Variants in CYB5R4 observed in about 807,000 individuals in gnomAD.
CYB5R4 encodes the protein N-terminal cytochrome b5 and cytochrome b5 oxidoreductase domain-containing protein.
Under a neutral mutation model 70.2 loss-of-function variants are expected in CYB5R4, and 55 were observed. The ratio of observed to expected loss-of-function variants is 0.78; its 90% CI spans 0.63 to 0.98. The LOEUF (loss-of-function observed/expected upper bound fraction) is 0.98. Among genes scored for constraint, CYB5R4 ranks in the 50% least tolerant of loss-of-function variants. CYB5R4 has a pLI of 0.00. For missense variants in CYB5R4, 562 were observed against 612.6 expected (o/e 0.92, Z 0.87); for synonymous variants, 197 against 199.5 (o/e 0.99, Z 0.11).
intron 3 of CYB5R4, among the ~76,000 whole-genome samples, chr6:83,907,074 A>G (rs1327270629): frequency 6.6e-6 from 1 of 152,130 alleles, no homozygotes. Context: ...AAAGAGCTGC[A>G]GATTTTTAAG....
chr6:83,938,233 A>G (rs1010816440), intron 12 of CYB5R4, among the ~76,000 whole-genome samples: 1 of 152,214 alleles, frequency 6.6e-6, no homozygotes. Context: ...GCATGATTGT[A>G]ATAAAGTAAG....
rs557767194 is a variant in CYB5R4, at chr6:83,935,555, G to A, written c.956-669G>A. On this transcript the variant is annotated intron_variant, in intron 11 of 15. Transcript: ENST00000369681. ...TTTTGTATACATTGAGGAGCCATGC[G>A]TAAAATTTTTGGTCTTTCAAACATG... Among the ~76,000 whole-genome samples, 52 of 152,158 alleles carry A rather than the reference G, an allele frequency of 3.4e-4. No individual in the cohort carries two copies. In the South Asian group the frequency reaches 3.5e-3, roughly 10 times the overall value.
intron 4 of CYB5R4, among the ~76,000 whole-genome samples, chr6:83,914,063 C>T (rs925852098): frequency 3.3e-5 from 5 of 152,026 alleles, no homozygotes; most frequent in African/African-American, 1.2e-4. Context: ...CTAATAAATT[C>T]TGGTTAACTT....
At chr6:83,905,143 G>A (rs142435411) in intron 3 of CYB5R4, among the ~76,000 whole-genome samples, 2,161 of 152,036 alleles carry the variant, frequency 0.014, 50 homozygotes, top group African/African-American at 0.049. Flanking sequence ...CAACCTCCGC[G>A]TCCCAGGTTC....
intron 12 of CYB5R4, 76 bp downstream of exon 12, chr6:83,936,452 A>G (rs1369853527): frequency 3.1e-6 from 4 of 1,297,168 alleles, no homozygotes; most frequent in Admixed American, 2.2e-5. Flanking sequence ...ATCTCCATGT[A>G]GGAGTCTATC....
At chr6:83,922,342 A>G (rs2129140129) in intron 8 of CYB5R4, 96 bp from the exon 9 acceptor site, 1 of 851,370 alleles carries the variant, frequency 1.2e-6, no homozygotes, top group Non-Finnish European at 1.8e-6. Context: ...GAGGGATTTG[A>G]AATAGTACAT....
intron 14 of CYB5R4, among the ~76,000 whole-genome samples, chr6:83,948,281 A>G (rs74564526): frequency 0.042 from 6,375 of 152,158 alleles, 458 homozygotes; most frequent in African/African-American, 0.14. Flanking sequence ...AAAACCAAAT[A>G]CCGCATGTTC....
intron 11 of CYB5R4, 110 bp from the exon 12 acceptor site, chr6:83,936,111 TAGG>T (rs2129142445): frequency 1.5e-6 from 1 of 654,032 alleles, no homozygotes. Flanking sequence ...ATATGCCCAT[TAGG>T]TATATAGTTT....
chr6:83,877,150 T>A (rs2099458691), intron 2 of CYB5R4, among the ~76,000 whole-genome samples: 2 of 152,188 alleles, frequency 1.3e-5, no homozygotes, highest in Non-Finnish European at 2.9e-5. Flanking sequence ...TTTTTTATAG[T>A]GCAGGTCTGT....
intron 10 of CYB5R4, 114 bp from the exon 11 acceptor site, chr6:83,934,481 A>G (rs1051614019): frequency 1.5e-6 from 1 of 651,618 alleles, no homozygotes; most frequent in Admixed American, 3.3e-5. Context: ...TAGGCATTTT[A>G]GTGAAATTGA....
chr6:83,866,129 C>T (rs1383188800), intron 2 of CYB5R4, among the ~76,000 whole-genome samples: 1 of 152,146 alleles, frequency 6.6e-6, no homozygotes, highest in African/African-American at 2.4e-5. Context: ...GCAGGCATGC[C>T]TGAGTTCTGT....
chr6:83,945,536 T>C (rs900976139), intron 14 of CYB5R4, among the ~76,000 whole-genome samples: 1 of 151,314 alleles, frequency 6.6e-6, no homozygotes, highest in African/African-American at 2.4e-5. Flanking sequence ...GCAAACAAAT[T>C]CAAAAGCTAG....
intron 2 of CYB5R4, among the ~76,000 whole-genome samples, chr6:83,890,382 A>T (rs778558920): frequency 3.9e-5 from 6 of 152,156 alleles, no homozygotes; most frequent in Non-Finnish European, 4.4e-5. Context: ...AGAAAACTAG[A>T]ATTAGAAGTG....
intron 1 of CYB5R4, among the ~76,000 whole-genome samples, chr6:83,860,874 A>C (rs1453419559): frequency 6.6e-6 from 1 of 152,168 alleles, no homozygotes; most frequent in African/African-American, 2.4e-5. Context: ...TTTAATTTTC[A>C]CAATTATCCT....
At chr6:83,955,518 A>G (rs575145090) in intron 15 of CYB5R4, 56 bp downstream of exon 15, 128 of 1,470,522 alleles carry the variant, frequency 8.7e-5, no homozygotes, top group Non-Finnish European at 1.1e-4. Context: ...AAGATCTTTC[A>G]TAACAAGCAT....
chr6:83,887,360 A>AT (rs572393016), intron 2 of CYB5R4, among the ~76,000 whole-genome samples: 72 of 152,186 alleles, frequency 4.7e-4, no homozygotes, highest in Non-Finnish European at 8.7e-4. Context: ...CTGACAACAC[A>AT]AAGTACTAAA....
At chr6:83,897,273 G>A (rs1020629194) in intron 3 of CYB5R4, among the ~76,000 whole-genome samples, 4 of 152,146 alleles carry the variant, frequency 2.6e-5, no homozygotes, top group African/African-American at 9.7e-5. Context: ...GTATTCCATG[G>A]TGTATAGGTG....
chr6:83,909,486 A>G (rs2099464335), intron 4 of CYB5R4, among the ~76,000 whole-genome samples: 2 of 152,166 alleles, frequency 1.3e-5, no homozygotes, highest in South Asian at 2.1e-4. Context: ...CCTTCACTAT[A>G]GATAACCCCT....
chr6:83,956,004 G>A (rs2099472370), intron 15 of CYB5R4, among the ~76,000 whole-genome samples: 1 of 152,198 alleles, frequency 6.6e-6, no homozygotes, highest in Non-Finnish European at 1.5e-5. Context: ...TCATCTTGAT[G>A]TGATTTAGCT....
Sources: allele counts gnomAD v4.1 joint callset (sites outside exome capture counted in the v4.1 genomes callset), GRCh38; gene constraint gnomAD v4.1.1; transcripts MANE v1.5; gene names NCBI Gene and HGNC (gene_info 2026-07-23, HGNC 2026-07-21).